Variants in NDST4 observed in about 807,000 individuals in gnomAD.
The protein encoded by NDST4 is N-heparan sulfate sulfotransferase 4.
NDST4 carries 63 observed loss-of-function variants against 100.8 expected under a neutral mutation model. That is an observed-to-expected ratio of 0.62 (90% CI 0.51 to 0.77). NDST4 has a LOEUF of 0.77. Ranked by LOEUF, NDST4 falls within the 30% of genes least tolerant of loss-of-function variation. The pLI is 0.00. For synonymous variants in NDST4, 377 were observed against 361.8 expected, an observed-to-expected ratio of 1.04 and a Z score of -0.48; for missense variants, 943 against 1,018.4, an observed-to-expected ratio of 0.93 and a Z score of 1.01.
intron 2 of NDST4, among the ~76,000 whole-genome samples, chr4:115,067,972 C>A (rs1728987823): frequency 7.2e-6 from 1 of 138,156 alleles, no homozygotes; most frequent in African/African-American, 2.9e-5. Context: ...CAATTCCCAC[C>A]TATGAGTGAG....
chr4:114,877,316 CACTT>C (rs1724276623), intron 6 of NDST4, among the ~76,000 whole-genome samples: 3 of 152,068 alleles, frequency 2.0e-5, no homozygotes, highest in Admixed American at 2.0e-4. Flanking sequence ...TCTAAAATAT[CACTT>C]ACATATTTTT....
chr4:114,966,140 C>A (rs1726376767), intron 4 of NDST4, among the ~76,000 whole-genome samples: 1 of 151,986 alleles, frequency 6.6e-6, no homozygotes. Flanking sequence ...ATCCTGTATA[C>A]AAACACACAC....
At position 114,914,288 on chromosome 4, in the gene NDST4, A is replaced by T. The variant is rs576260147; in HGVS notation, c.1536+20918T>A. On this transcript the variant is annotated intron_variant, in intron 6 of 13. Coordinates refer to ENST00000264363, the MANE Select transcript of NDST4 (RefSeq NM_022569.3). ...GTGATAGCACAACAGGGTCAATAAT[A>T]ATTTAATTATACATTTTAAAATAGC... Among the ~76,000 whole-genome samples the T allele has an allele frequency of 4.3e-4, 66 of 152,270 alleles. 1 individual carries two copies. The highest frequency in any genetic ancestry group is 1.5e-3 in the African/African-American group (61 of 41,572).
chr4:114,871,958 C>T (rs1008641907), intron 6 of NDST4, among the ~76,000 whole-genome samples: 2 of 151,848 alleles, frequency 1.3e-5, no homozygotes, highest in Admixed American at 6.6e-5. Context: ...ACAAATGTAA[C>T]ATCTGAAGCT....
intron 2 of NDST4, among the ~76,000 whole-genome samples, chr4:115,048,014 A>G (rs1728501398): frequency 6.6e-6 from 1 of 151,978 alleles, no homozygotes; most frequent in African/African-American, 2.4e-5. Flanking sequence ...TGGAAAAGCT[A>G]TTTTGTATTC....
chr4:114,869,320 T>C (rs1489749369), intron 7 of NDST4, among the ~76,000 whole-genome samples: 1 of 151,982 alleles, frequency 6.6e-6, no homozygotes, highest in Non-Finnish European at 1.5e-5. Context: ...GGATTCTTTC[T>C]ATGTAAGCTG....
chr4:114,859,234 T>G (rs1020222351), intron 7 of NDST4, among the ~76,000 whole-genome samples: 1 of 152,170 alleles, frequency 6.6e-6, no homozygotes, highest in African/African-American at 2.4e-5. Flanking sequence ...CTTCCTCCAG[T>G]CCTAAGACTA....
At position 114,957,510 on chromosome 4, in the gene NDST4, T is replaced by C. The variant is rs1218043582; in HGVS notation, c.1221+12920A>G. ...ATTATTGAAAATGAGATTTTGGTGGTGACACAGCCAAACCAAATCATTCCT... is the reference window on the plus strand; with the variant it reads ...ATTATTGAAAATGAGATTTTGGTGGCGACACAGCCAAACCAAATCATTCCT... On this transcript the variant is annotated intron_variant, in intron 4 of 13. Transcript: ENST00000264363. 2.6e-5 allele frequency among the ~76,000 whole-genome samples: 4 copies of C among 152,180 alleles called. No homozygotes were observed. In the East Asian group the frequency reaches 7.7e-4, roughly 29 times the overall value.
chr4:115,077,133 A>G lies in NDST4; in HGVS notation c.-97T>C. 8.7e-7 allele frequency: 1 copy of G among 1,149,462 alleles called. No individual in the cohort carries two copies. 71.2% of individuals were successfully genotyped at this position (1,149,462 alleles called of 1,614,324 possible). A position where few individuals can be genotyped will look rare whatever the true frequency, so the allele number is the denominator to read the frequency against. On this transcript the variant is annotated 5_prime_UTR_variant, in exon 2 of 14. Coordinates refer to ENST00000264363, the MANE Select transcript of NDST4 (RefSeq NM_022569.3). ...GATGTTGCAAATATCACTTCCCCAG[A>G]GTTCATGTAACCATCGCAAATCATG...
intron 2 of NDST4, among the ~76,000 whole-genome samples, chr4:115,014,166 T>G (rs1206945127): frequency 2.0e-5 from 3 of 152,068 alleles, no homozygotes; most frequent in African/African-American, 4.8e-5. Context: ...TAAAGCAGTT[T>G]GTGTTTGGCT....
At chr4:115,064,129 C>T (rs760944741) in intron 2 of NDST4, among the ~76,000 whole-genome samples, 3 of 151,890 alleles carry the variant, frequency 2.0e-5, no homozygotes, top group Non-Finnish European at 2.9e-5. Context: ...TAAAAATATT[C>T]TGAGCAGAAA....
chr4:115,089,176 T>C (rs1171743350), intron 1 of NDST4, among the ~76,000 whole-genome samples: 2 of 152,002 alleles, frequency 1.3e-5, no homozygotes, highest in Non-Finnish European at 2.9e-5. Flanking sequence ...GGAAAGGTGG[T>C]GGATGGAAGG....
chr4:115,087,310 T>G, intron 1 of NDST4, among the ~76,000 whole-genome samples: 1 of 152,044 alleles, frequency 6.6e-6, no homozygotes, highest in East Asian at 1.9e-4. Context: ...CTCTTTTATG[T>G]AAGAAGCCAA....
At chr4:114,963,602 G>A (rs1560833307) in intron 4 of NDST4, among the ~76,000 whole-genome samples, 1 of 152,288 alleles carries the variant, frequency 6.6e-6, no homozygotes, top group East Asian at 1.9e-4. Flanking sequence ...CAATAAAGCT[G>A]CTAAAATGAT....
At position 114,935,282 on chromosome 4, in the gene NDST4, T is replaced by A; in HGVS notation, c.1460A>T (p.Glu487Val). The A allele has an allele frequency of 6.2e-7, 1 of 1,611,068 alleles. No homozygotes were observed. Residue 487 changes from glutamate (E) to valine (V), a missense_variant, in exon 6 of 14, where the codon GAA becomes GTA. By Grantham distance (121) the Glu-to-Val change is moderately radical (BLOSUM62 -2). This residue lies in a region of NDST4 where 526 missense variants were observed against 634.1 expected (regional missense o/e 0.83). Transcript: ENST00000264363. Reference sequence around the variant, plus strand: ...CAGTTCTTGGGGTCCTCCTGGATATTCTTTGTAGAAAATAGTGTGAGTGAA... The same window carrying A: ...CAGTTCTTGGGGTCCTCCTGGATATACTTTGTAGAAAATAGTGTGAGTGAA... ...GLFTHTIFYKEYPGGPQELDK... is the reference protein window; with the variant it reads ...GLFTHTIFYKVYPGGPQELDK...
chr4:114,979,707 G>C (rs915043532), intron 2 of NDST4, among the ~76,000 whole-genome samples: 13 of 151,890 alleles, frequency 8.6e-5, no homozygotes, highest in African/African-American at 2.9e-4. Context: ...AAGGCAGATG[G>C]GGGGCTAGTT....
Position 115,040,129 on chromosome 4 carries a change from T to C in NDST4, c.978+35930A>G, listed in dbSNP as rs151288604. On this transcript the variant is annotated intron_variant, in intron 2 of 13. Coordinates refer to ENST00000264363, the MANE Select transcript of NDST4 (RefSeq NM_022569.3). Reference sequence around the variant, plus strand: ...CGGAGGACATAGATAAAAACTAGACTTCTTTGAATATTCTTTTTTAGTGAA... The same window carrying C: ...CGGAGGACATAGATAAAAACTAGACCTCTTTGAATATTCTTTTTTAGTGAA... 8.0e-3 allele frequency among the ~76,000 whole-genome samples: 1,214 copies of C among 151,842 alleles called. 22 individuals are homozygous for C. The highest frequency in any genetic ancestry group is 0.027 in the African/African-American group (1,118 of 41,474).
chr4:114,975,685 C>T (rs1173472220), intron 3 of NDST4, among the ~76,000 whole-genome samples: 2 of 152,102 alleles, frequency 1.3e-5, no homozygotes, highest in Non-Finnish European at 1.5e-5. Flanking sequence ...AGATATACTT[C>T]AGCCAAAAGA....
At chr4:114,830,001 T>G in intron 12 of NDST4, 109 bp from the exon 13 acceptor site, 1 of 736,506 alleles carries the variant, frequency 1.4e-6, no homozygotes, top group Non-Finnish European at 2.3e-6. Flanking sequence ...CTGATTTAAT[T>G]TAATTCATTT....
Sources: gnomAD v4.1 joint callset for allele counts (sites outside exome capture counted in the v4.1 genomes callset) on GRCh38, gnomAD v4.1.1 for gene constraint, gnomAD v4.1.1 regional missense constraint, MANE v1.5 for transcripts, NCBI Gene and HGNC (gene_info 2026-07-23, HGNC 2026-07-21) for gene names.